The following CSMD1 variants were observed in gnomAD, a reference collection of about 807,000 sequenced individuals.
The protein encoded by CSMD1 is CUB and sushi domain-containing protein 1.
A neutral mutation model predicts 417.5 loss-of-function variants in CSMD1; 213 were observed. That is an observed-to-expected ratio of 0.51 (90% CI 0.46 to 0.57). CSMD1 has a LOEUF of 0.57. CSMD1 is among the 20% of genes least tolerant of loss of function. The pLI, the probability that CSMD1 is intolerant of heterozygous loss-of-function variation, is 0.00. For missense variants in CSMD1, 6,923 were observed against 4,529.7 expected (o/e 1.53, Z -15.17); for synonymous variants, 2,862 against 1,736.8 (o/e 1.65, Z -16.11).
chr8:3,695,067 CA>C (rs1800470440), intron 7 of CSMD1, among the ~76,000 whole-genome samples: 1 of 131,470 alleles, frequency 7.6e-6, no homozygotes. Context: ...AAGAACATCA[CA>C]AAAGAATTGG....
At chr8:3,111,127 C>G (rs568264356) in intron 42 of CSMD1, among the ~76,000 whole-genome samples, 2 of 152,156 alleles carry the variant, frequency 1.3e-5, no homozygotes, top group African/African-American at 2.4e-5. Context: ...GTGTTCACAA[C>G]TCTCTTGAAC....
chr8:3,994,447 G>GA (rs56184992), intron 5 of CSMD1, among the ~76,000 whole-genome samples: 1,522 of 119,068 alleles, frequency 0.013, 32 homozygotes, highest in African/African-American at 0.031. Context: ...AATCTCTTCA[G>GA]AAAAAAAAAA....
At chr8:3,190,899 G>A (rs1796379433) in intron 33 of CSMD1, among the ~76,000 whole-genome samples, 2 of 152,282 alleles carry the variant, frequency 1.3e-5, no homozygotes, top group South Asian at 4.1e-4. Flanking sequence ...CTACTTCTAT[G>A]GGGAGATCTA....
intron 2 of CSMD1, among the ~76,000 whole-genome samples, chr8:4,600,338 A>G (rs1800516483): frequency 6.6e-6 from 1 of 152,212 alleles, no homozygotes; most frequent in South Asian, 2.1e-4. Context: ...AAAGTTAGTC[A>G]TAGCTATAGA....
At chr8:3,876,159 G>C (rs1336438848) in intron 5 of CSMD1, among the ~76,000 whole-genome samples, 1 of 152,174 alleles carries the variant, frequency 6.6e-6, no homozygotes, top group Non-Finnish European at 1.5e-5. Context: ...ACCAGTGACA[G>C]TCATGTTTTG....
At chr8:4,286,129 C>G (rs1202070588) in intron 3 of CSMD1, among the ~76,000 whole-genome samples, 2 of 152,026 alleles carry the variant, frequency 1.3e-5, no homozygotes, top group Non-Finnish European at 2.9e-5. Context: ...GATATGCGCA[C>G]ATAACGTTTT....
rs368834726 is a variant in CSMD1 at position 4,524,922 on chromosome 8, C to A, written c.303-104857G>T. Among the ~76,000 whole-genome samples, 37 of 152,152 alleles carry A rather than the reference C, an allele frequency of 2.4e-4. No individual in the cohort carries two copies. The East Asian group carries it at 4.8e-3, about 20-fold the overall frequency. ...AAAAGTAAAACTTTAACAGCATTGC[C>A]ACATTCAAAGCCACACTATCAGAAA... On this transcript the variant is annotated intron_variant, in intron 2 of 69. Transcript: ENST00000635120.
At chr8:3,791,638 G>T (rs1290500132) in intron 5 of CSMD1, among the ~76,000 whole-genome samples, 1 of 152,124 alleles carries the variant, frequency 6.6e-6, no homozygotes, top group East Asian at 1.9e-4. Flanking sequence ...AGCCTGGTCA[G>T]CATGGCAAAA....
chr8:4,212,930 C>G (rs1231972746), intron 3 of CSMD1, among the ~76,000 whole-genome samples: 2 of 152,068 alleles, frequency 1.3e-5, no homozygotes, highest in African/African-American at 2.4e-5. Context: ...TCATTCCCAA[C>G]TAGCTTTCCT....
intron 3 of CSMD1, among the ~76,000 whole-genome samples, chr8:4,060,089 T>G (rs1205118902): frequency 1.6e-4 from 25 of 152,104 alleles, no homozygotes. Context: ...AAAAAGCCTA[T>G]CCACCATGAT....
intron 3 of CSMD1, among the ~76,000 whole-genome samples, chr8:4,183,720 T>C (rs62501147): frequency 1.5e-3 from 225 of 152,314 alleles, no homozygotes; most frequent in Middle Eastern, 3.4e-3. Flanking sequence ...TGATGAAAAA[T>C]AATATATCAT....
rs184079226 is a variant in CSMD1, at chr8:4,194,133, A to C, written c.416-162034T>G. ...TACGTTCAACAAAGAATGCAGAATG[A>C]TAAAAATGACCAAGAAAACAATTAA... is the stretch of plus-strand genomic sequence containing the variant. On this transcript the variant is annotated intron_variant, in intron 3 of 69. Coordinates refer to ENST00000635120, the MANE Select transcript of CSMD1 (RefSeq NM_033225.6). Among the ~76,000 whole-genome samples, 298 of 152,304 alleles carry C rather than the reference A, an allele frequency of 2.0e-3. 1 individual carries two copies. Among genetic ancestry groups the C allele is most frequent in the African/African-American group, 7.0e-3 (291 of 41,542 alleles).
chr8:3,700,186 A>G (rs1170909713), intron 7 of CSMD1, among the ~76,000 whole-genome samples: 1 of 152,314 alleles, frequency 6.6e-6, no homozygotes, highest in African/African-American at 2.4e-5. Context: ...GTGCACCAAC[A>G]TCTCACAAAT....
chr8:4,282,896 A>C (rs1185399960), intron 3 of CSMD1, among the ~76,000 whole-genome samples: 3 of 152,182 alleles, frequency 2.0e-5, no homozygotes, highest in African/African-American at 4.8e-5. Flanking sequence ...TTAATGGTTG[A>C]ACTTACCACA....
intron 3 of CSMD1, among the ~76,000 whole-genome samples, chr8:4,264,435 A>T (rs76058719): frequency 1.3e-5 from 2 of 152,332 alleles, no homozygotes. Context: ...TAGTTTAATA[A>T]AACAAATTAC....
intron 5 of CSMD1, among the ~76,000 whole-genome samples, chr8:3,947,037 C>T (rs141604962): frequency 3.9e-4 from 60 of 152,198 alleles, no homozygotes; most frequent in African/African-American, 1.3e-3. Flanking sequence ...TTTTCTTGTT[C>T]ATGGCACTTG....
chr8:3,292,629 A>C (rs996635592), intron 25 of CSMD1, among the ~76,000 whole-genome samples: 4 of 152,092 alleles, frequency 2.6e-5, no homozygotes, highest in Non-Finnish European at 5.9e-5. Context: ...AGTCTGTTTT[A>C]TCAGAGACTA....
At chr8:4,335,337 G>A (rs554203503) in intron 3 of CSMD1, among the ~76,000 whole-genome samples, 1 of 152,208 alleles carries the variant, frequency 6.6e-6, no homozygotes, top group South Asian at 2.1e-4. Flanking sequence ...CTTTTGTGGG[G>A]AAAGGCACAA....
At chr8:4,166,055 A>G (rs1010134961) in intron 3 of CSMD1, among the ~76,000 whole-genome samples, 37 of 152,214 alleles carry the variant, frequency 2.4e-4, no homozygotes, top group African/African-American at 8.4e-4. Flanking sequence ...TCACACTTTA[A>G]TAAGTGAATT....
Sources: allele counts gnomAD v4.1 joint callset (sites outside exome capture counted in the v4.1 genomes callset), GRCh38; gene constraint gnomAD v4.1.1; transcripts MANE v1.5; gene names NCBI Gene and HGNC (gene_info 2026-07-23, HGNC 2026-07-21).